Variants in SPTA1 observed in about 807,000 individuals in gnomAD.
The protein encoded by SPTA1 is spectrin alpha, erythrocytic 1.
In SPTA1, 177 loss-of-function variants were observed where a neutral mutation model predicts 324.7. The observed-to-expected ratio is 0.55, with a 90% CI of 0.48 to 0.62. The LOEUF is 0.62. SPTA1 is among the 20% of genes least tolerant of loss of function. SPTA1 has a pLI of 0.00. For missense variants in SPTA1, 3,162 were observed against 2,883.6 expected (o/e 1.10, Z -2.21); for synonymous variants, 1,195 against 1,041.3 (o/e 1.15, Z -2.84).
chr1:158,611,080 C>T lies in SPTA1; in HGVS notation c.*184G>A. The T allele has an allele frequency of 1.2e-6, 1 of 806,704 alleles. No individual in the cohort carries two copies. Among genetic ancestry groups the T allele is most frequent in the African/African-American group, 1.7e-5 (1 of 58,136 alleles). 50.0% of individuals were successfully genotyped at this position (806,704 alleles called of 1,614,324 possible). On this transcript the variant is annotated 3_prime_UTR_variant, in exon 52 of 52. Transcript: ENST00000643759. Reference sequence around the variant, plus strand: ...TCTATTAACCTTTCTATCTCCCACCCTTGAGATTTTTTAAGATCCTACAAT... The same window carrying T: ...TCTATTAACCTTTCTATCTCCCACCTTTGAGATTTTTTAAGATCCTACAAT...
intron 49 of SPTA1, 56 bp downstream of exon 49, chr1:158,614,197 C>A (rs866714865): frequency 3.0e-6 from 4 of 1,313,242 alleles, no homozygotes; most frequent in Middle Eastern, 1.9e-4. Context: ...TATTTGTAGA[C>A]TCATTCTGAA....
intron 2 of SPTA1, among the ~76,000 whole-genome samples, chr1:158,684,686 GA>G (rs950147743): frequency 2.0e-5 from 3 of 151,784 alleles, no homozygotes; most frequent in Non-Finnish European, 4.4e-5. Context: ...TGCTGGATCT[GA>G]AAAAAAATTG....
chr1:158,622,819 CT>C, intron 43 of SPTA1, 163 bp downstream of exon 43: 1 of 700,330 alleles, frequency 1.4e-6, no homozygotes, highest in Non-Finnish European at 2.4e-6. Context: ...TTTAAAGCTT[CT>C]TTTCAATCTA....
In SPTA1 at chr1:158,666,372, C is replaced by T. The variant is rs767739577; in HGVS notation, c.2164G>A (p.Val722Ile). The part of the protein sequence containing the change: ...SEDYGKGLAE[V>I]QNRLRKHGLL... The stretch of plus-strand genomic sequence containing the variant: ...CCGTGTTTCCTGAGTCGATTCTGTA[C>T]CTCGGCCAGGCCTTTCCCATAATCC... Residue 722 changes from valine (V) to isoleucine (I), a missense_variant, in exon 16 of 52, where the codon GTA becomes ATA. Physicochemically the swap from Val to Ile is conservative, Grantham distance 29. Coordinates refer to ENST00000643759, the MANE Select transcript of SPTA1 (RefSeq NM_003126.4). 10 of 1,613,840 alleles carry T rather than the reference C, an allele frequency of 6.2e-6. No homozygotes were observed. In the South Asian group the frequency reaches 9.9e-5, roughly 16 times the overall value.
chr1:158,669,454 T>C lies in SPTA1; in HGVS notation c.1787A>G (p.Asn596Ser). The change falls in exon 14 of 52, where the codon AAC becomes AGC. Residue 596 changes from asparagine (N) to serine (S), a missense_variant. By Grantham distance (46) the Asn-to-Ser change is conservative (BLOSUM62 1). Coordinates refer to ENST00000643759, the MANE Select transcript of SPTA1 (RefSeq NM_003126.4). ...KLYEDSDDLK[N>S]WINKKKKLAD... ...CAACTTTTTCTTCTTGTTGATCCAGTTCTTTAGGTCATCTGAGTCCTCATA... is the reference window on the plus strand; with the variant it reads ...CAACTTTTTCTTCTTGTTGATCCAGCTCTTTAGGTCATCTGAGTCCTCATA... 2 of 1,614,152 alleles carry C rather than the reference T, an allele frequency of 1.2e-6. No individual in the cohort carries two copies. The highest frequency in any genetic ancestry group is 1.7e-6 in the Non-Finnish European group (2 of 1,179,990).
chr1:158,681,931 G>A (rs1262381932), intron 3 of SPTA1, among the ~76,000 whole-genome samples: 1 of 152,156 alleles, frequency 6.6e-6, no homozygotes, highest in Non-Finnish European at 1.5e-5. Context: ...ACAATAAGAT[G>A]GGAAGGAGGA....
At chr1:158,629,364 T>C (rs376915799) in intron 39 of SPTA1, among the ~76,000 whole-genome samples, 128 of 152,042 alleles carry the variant, frequency 8.4e-4, no homozygotes, top group African/African-American at 2.9e-3. Context: ...ATCCCTGGGA[T>C]GCAAGGATGG....
chr1:158,654,621 G>T lies in SPTA1; in HGVS notation c.3026C>A (p.Ser1009Tyr). Residue 1009 changes from serine (S) to tyrosine (Y), a missense_variant, in exon 21 of 52, where the codon TCC becomes TAC. Transcript: ENST00000643759. ...AGAAGGAAAAGTCACCTTATTGATGGAACTGAGCAGCGTTAAGACATCACC... is the reference window on the plus strand; with the variant it reads ...AGAAGGAAAAGTCACCTTATTGATGTAACTGAGCAGCGTTAAGACATCACC... Reference protein sequence around the residue: ...KKGDVLTLLSSINKDWWKVEA... With the variant: ...KKGDVLTLLSYINKDWWKVEA... The T allele has an allele frequency of 6.2e-7, 1 of 1,613,946 alleles. No individual in the cohort carries two copies. Among genetic ancestry groups the T allele is most frequent in the African/African-American group, 1.3e-5 (1 of 74,984 alleles).
In SPTA1 at chr1:158,627,650, G is replaced by A. The variant is rs1350308187; in HGVS notation, c.5639C>T (p.Ala1880Val). Residue 1880 changes from alanine to valine, a missense_variant, in exon 40 of 52, where the codon GCA (alanine) becomes GTA (valine). Transcript: ENST00000643759. ...CTTATTTAGGATGTCTTCTCCTTGT[G>A]CACACACATTTTGTACTCGGGTCTC... ...VHETRVQNVC[A>V]QGEDILNKVL... 17 of 1,613,332 alleles carry A rather than the reference G, an allele frequency of 1.1e-5. No homozygotes were observed. Among genetic ancestry groups the A allele is most frequent in the Non-Finnish European group, 1.4e-5 (16 of 1,179,754 alleles).
chr1:158,643,168 A>G (rs1033608142), intron 31 of SPTA1, among the ~76,000 whole-genome samples, 154 bp downstream of exon 31: 12 of 152,304 alleles, frequency 7.9e-5, no homozygotes, highest in Non-Finnish European at 1.3e-4. Flanking sequence ...CTTTCATTCT[A>G]TAAATCTAAG....
chr1:158,612,703 G>T, intron 51 of SPTA1, 114 bp downstream of exon 51: 1 of 1,144,744 alleles, frequency 8.7e-7, no homozygotes, highest in Non-Finnish European at 1.3e-6. Flanking sequence ...GAAAGGGGAG[G>T]TCTGAAAAAA....
At chr1:158,667,427 T>C (rs1653686691) in intron 15 of SPTA1, among the ~76,000 whole-genome samples, 1 of 152,192 alleles carries the variant, frequency 6.6e-6, no homozygotes, top group African/African-American at 2.4e-5. Flanking sequence ...TCTGTAAGAA[T>C]AAAATGTAGG....
chr1:158,611,245 A>T lies in SPTA1; in HGVS notation c.*19T>A, dbSNP rs779865952. The T allele has an allele frequency of 6.2e-7, 1 of 1,613,002 alleles. No homozygotes were observed. Among genetic ancestry groups the T allele is most frequent in the Non-Finnish European group, 8.5e-7 (1 of 1,179,392 alleles). On this transcript the variant is annotated 3_prime_UTR_variant, in exon 52 of 52. Coordinates refer to ENST00000643759, the MANE Select transcript of SPTA1 (RefSeq NM_003126.4). The stretch of plus-strand genomic sequence containing the variant: ...TCCCACGACACTAAGATTTTCTACG[A>T]TCCACGAGGAGCTGCTTATTAGTTG...
Position 158,620,180 on chromosome 1 carries a change from T to C in SPTA1, c.6407A>G (p.Asp2136Gly). The C allele has an allele frequency of 5.0e-6, 8 of 1,614,160 alleles. No homozygotes were observed. Among genetic ancestry groups the C allele is most frequent in the Non-Finnish European group, 6.8e-6 (8 of 1,180,016 alleles). ...CGTGTTCCAGGTTACCTCAATGATG[T>C]CAGATAGGTGCTTCCAGGTCCTTTC... ...VLERTWKHLS[D>G]IIEEREQELQ... is the part of the protein sequence containing the mutation. The change falls in exon 44 of 52, where the codon GAC becomes GGC. Residue 2136 changes from aspartate to glycine, a missense_variant. By Grantham distance (94) the Asp-to-Gly change is moderately conservative (BLOSUM62 -1). Coordinates refer to ENST00000643759, the MANE Select transcript of SPTA1 (RefSeq NM_003126.4).
chr1:158,656,794 C>T lies in SPTA1; in HGVS notation c.2806-138G>A, dbSNP rs1488008111. ...CCATCTATCATAAAGTTATTTTTAA[C>T]CCTAAATTTGCAAGCATGAAGGAAA... On this transcript the variant is annotated intron_variant, in intron 19 of 51. Transcript: ENST00000643759. 6.1e-5 allele frequency: 45 copies of T among 731,800 alleles called. 1 individual carries two copies. Among genetic ancestry groups the T allele is most frequent in the Non-Finnish European group, 8.1e-5 (35 of 434,388 alleles). The allele number at this position is 731,800 out of a possible 1,614,324, so 45.3% of individuals were successfully genotyped here.
rs757679761 is a variant in SPTA1, at chr1:158,681,595, G to GCAA, written c.460_462dup (p.Leu155dup). The stretch of plus-strand genomic sequence containing the variant: ...TACTGCTGGAACTTCAGGGCCCGCA[G>GCAA]CAACTGGTCACCCTTCTCCAGGGTC... On this transcript the variant is annotated inframe_insertion, in exon 4 of 52. Transcript: ENST00000643759. 5.9e-5 allele frequency: 96 copies of GCAA among 1,613,826 alleles called. No individual in the cohort carries two copies. The African/African-American group carries it at 1.1e-3, about 19-fold the overall frequency.
chr1:158,622,925 T>C (rs1247216116), intron 43 of SPTA1, 58 bp downstream of exon 43: 1 of 1,449,444 alleles, frequency 6.9e-7, no homozygotes, highest in African/African-American at 1.4e-5. Flanking sequence ...TGTTTCCGAA[T>C]TTCATGGCTA....
chr1:158,678,924 G>A (rs750159087), intron 5 of SPTA1, among the ~76,000 whole-genome samples: 1 of 152,052 alleles, frequency 6.6e-6, no homozygotes, highest in African/African-American at 2.4e-5. Flanking sequence ...AGTGCTGTGG[G>A]TCTTAACTTT....
At chr1:158,622,513 C>G (rs1012104151) in intron 43 of SPTA1, among the ~76,000 whole-genome samples, 2 of 151,984 alleles carry the variant, frequency 1.3e-5, no homozygotes, top group Non-Finnish European at 2.9e-5. Context: ...AATGGTGATG[C>G]TACTCAATTT....
Sources: allele counts gnomAD v4.1 joint callset (sites outside exome capture counted in the v4.1 genomes callset), GRCh38; gene constraint gnomAD v4.1.1; transcripts MANE v1.5; gene names NCBI Gene and HGNC (gene_info 2026-07-23, HGNC 2026-07-21).